The following UBE3B variants were observed in gnomAD, a reference collection of about 807,000 sequenced individuals.
The protein encoded by UBE3B is ubiquitin protein ligase E3B.
UBE3B carries 80 observed loss-of-function variants against 132.3 expected under a neutral mutation model. The observed-to-expected ratio is 0.60, with a 90% CI of 0.50 to 0.73. UBE3B has a LOEUF of 0.73. Among genes scored for constraint, UBE3B ranks in the 30% least tolerant of loss-of-function variants. The pLI, the probability that UBE3B is intolerant of heterozygous loss-of-function variation, is 0.00. For missense variants in UBE3B, 1,196 were observed against 1,362.5 expected (o/e 0.88, Z 1.92); for synonymous variants, 487 against 520.4 (o/e 0.94, Z 0.87).
At chr12:109,523,899 C>A (rs570459227) in intron 21 of UBE3B, 79 bp from the exon 22 acceptor site, 9 of 1,587,090 alleles carry the variant, frequency 5.7e-6, no homozygotes, top group Middle Eastern at 2.3e-4. Flanking sequence ...TGGGCCATGT[C>A]TGCACCCTGA....
At chr12:109,485,886 T>C in intron 4 of UBE3B, 126 bp from the exon 5 acceptor site, 1 of 977,956 alleles carries the variant, frequency 1.0e-6, no homozygotes, top group Non-Finnish European at 1.5e-6. Context: ...GAACTGCATG[T>C]GATTATGTGT....
At position 109,490,010 on chromosome 12, in the gene UBE3B, T is replaced by C; in HGVS notation, c.630+6T>C. On this transcript the variant is annotated splice_donor_region_variant and intron_variant, in intron 8 of 27. Coordinates refer to ENST00000342494, the MANE Select transcript of UBE3B (RefSeq NM_130466.4). ...GATTTTATTCTGTGCTGCAGGTCTG[T>C]GACTCCTGCCCCCCAGTGTGCAACT... 6.2e-7 allele frequency: 1 copy of C among 1,613,900 alleles called. No homozygotes were observed. The highest frequency in any genetic ancestry group is 2.2e-5 in the East Asian group (1 of 44,884).
chr12:109,490,969 T>C, intron 8 of UBE3B, 76 bp from the exon 9 acceptor site: 1 of 1,482,664 alleles, frequency 6.7e-7, no homozygotes, highest in Non-Finnish European at 9.3e-7. Flanking sequence ...GCACTCAGTT[T>C]ACTTTTTTGC....
rs1881811437 is a variant in UBE3B, at chr12:109,522,326, A to G, written c.2364+775A>G. The stretch of plus-strand genomic sequence containing the variant: ...GATGTGGCCCACACAGCTCCTGTCC[A>G]TTGAAACCCCGTCCATTGAAAGCCA... On this transcript the variant is annotated intron_variant, in intron 21 of 27. Coordinates refer to ENST00000342494, the MANE Select transcript of UBE3B (RefSeq NM_130466.4). This position sits in a 1 kb window ranked among gnomAD's most constrained non-coding sequence, Gnocchi z 4.2. Among the ~76,000 whole-genome samples the G allele has an allele frequency of 6.6e-6, 1 of 152,146 alleles. No homozygotes were observed. Among genetic ancestry groups the G allele is most frequent in the Admixed American group, 6.5e-5 (1 of 15,274 alleles).
intron 8 of UBE3B, chr12:109,490,338 C>A: frequency 7.0e-7 from 1 of 1,420,620 alleles, no homozygotes; most frequent in Non-Finnish European, 9.3e-7. Context: ...ATTTCTAGCT[C>A]TGTGTCCTCA....
chr12:109,494,966 C>T (rs554300410), intron 9 of UBE3B, among the ~76,000 whole-genome samples: 90 of 152,312 alleles, frequency 5.9e-4, no homozygotes, highest in African/African-American at 1.6e-3. Flanking sequence ...CTTGCAAATG[C>T]GAAGTGACTG....
At chr12:109,487,961 T>TTA (rs1222098707) in intron 6 of UBE3B, among the ~76,000 whole-genome samples, 2 of 152,198 alleles carry the variant, frequency 1.3e-5, no homozygotes, top group African/African-American at 4.8e-5. Context: ...TTTGCTTGAC[T>TTA]TACACTTGGT....
intron 22 of UBE3B, 32 bp downstream of exon 22, chr12:109,524,147 A>T: frequency 6.2e-7 from 1 of 1,613,134 alleles, no homozygotes; most frequent in African/African-American, 1.3e-5. Flanking sequence ...AGCTAAGCCG[A>T]GCACTGGTGT....
chr12:109,490,181 G>C, intron 8 of UBE3B, 177 bp downstream of exon 8: 1 of 862,686 alleles, frequency 1.2e-6, no homozygotes, highest in Middle Eastern at 2.2e-4. Flanking sequence ...TGTGGGTCAG[G>C]TAAAGGGAGG....
chr12:109,509,782 A>C, intron 16 of UBE3B, 68 bp downstream of exon 16: 1 of 937,858 alleles, frequency 1.1e-6, no homozygotes, highest in Non-Finnish European at 1.6e-6. Context: ...AGTCTATGGC[A>C]TCAACTGATT....
chr12:109,498,172 C>T (rs950495514), intron 10 of UBE3B, 61 bp from the exon 11 acceptor site: 1 of 1,595,622 alleles, frequency 6.3e-7, no homozygotes, highest in Admixed American at 1.7e-5. Flanking sequence ...TGATCAAGTT[C>T]ACTCTCTACA....
At chr12:109,507,039 G>C (rs1048605259) in intron 14 of UBE3B, among the ~76,000 whole-genome samples, 1 of 152,210 alleles carries the variant, frequency 6.6e-6, no homozygotes, top group Non-Finnish European at 1.5e-5. Flanking sequence ...TGGTTCTGAG[G>C]GCTGCCTGAT....
intron 6 of UBE3B, 124 bp from the exon 7 acceptor site, chr12:109,488,448 C>G: frequency 1.2e-6 from 1 of 869,248 alleles, no homozygotes; most frequent in Non-Finnish European, 1.9e-6. Flanking sequence ...AGAATTAAGA[C>G]TGACTTATAA....
At chr12:109,505,944 A>G (rs1879606591) in intron 14 of UBE3B, among the ~76,000 whole-genome samples, 2 of 152,192 alleles carry the variant, frequency 1.3e-5, no homozygotes, top group South Asian at 2.1e-4. Flanking sequence ...TGAGGAACAC[A>G]CCTTAATGTA....
intron 18 of UBE3B, among the ~76,000 whole-genome samples, chr12:109,512,419 G>A (rs1880489766): frequency 6.6e-6 from 1 of 152,132 alleles, no homozygotes; most frequent in Admixed American, 6.5e-5. Context: ...TTGGGCTGTG[G>A]CAGGAGCATC....
intron 14 of UBE3B, among the ~76,000 whole-genome samples, chr12:109,507,180 A>G (rs539332381): frequency 6.6e-6 from 1 of 152,380 alleles, no homozygotes; most frequent in East Asian, 1.9e-4. Context: ...GATTTAAAGC[A>G]TAAATGCTAA....
intron 26 of UBE3B, among the ~76,000 whole-genome samples, chr12:109,530,885 C>T (rs2136129858): frequency 6.6e-6 from 1 of 152,332 alleles, no homozygotes; most frequent in South Asian, 2.1e-4. Flanking sequence ...GGACAGGCCC[C>T]CTGCACAGGT....
At chr12:109,518,706 T>C (rs1408810725) in intron 19 of UBE3B, among the ~76,000 whole-genome samples, 1 of 152,196 alleles carries the variant, frequency 6.6e-6, no homozygotes. Context: ...ACAAATATCA[T>C]TGCTTATTGG....
At position 109,499,726 on chromosome 12, in the gene UBE3B, G is replaced by A. The variant is rs754140991; in HGVS notation, c.1034G>A (p.Cys345Tyr). Residue 345 changes from cysteine (C) to tyrosine (Y), a missense_variant, in exon 12 of 28, where the codon TGT becomes TAT. Physicochemically the swap from Cys to Tyr is radical, Grantham distance 194. Transcript: ENST00000342494. ...VSLLTQTLCY[C>Y]RKYVSQKKSN... ...TTGCTCACCCAGACGCTGTGCTACT[G>A]TCGGAAGTATGTGTCTCAGAAGAAG... The A allele has an allele frequency of 6.2e-7, 1 of 1,613,630 alleles. No homozygotes were observed. Among genetic ancestry groups the A allele is most frequent in the Non-Finnish European group, 8.5e-7 (1 of 1,179,740 alleles).
Sources: gnomAD v4.1 joint callset for allele counts (sites outside exome capture counted in the v4.1 genomes callset) on GRCh38, gnomAD v4.1.1 for gene constraint, Gnocchi (gnomAD v3.1) non-coding constraint, MANE v1.5 for transcripts, NCBI Gene and HGNC (gene_info 2026-07-23, HGNC 2026-07-21) for gene names.